The following ANO3 variants were observed in gnomAD, a reference collection of about 807,000 sequenced individuals.
ANO3 encodes anoctamin 3, also known as anoctamin-3.
In ANO3, 99 loss-of-function variants were observed where a neutral mutation model predicts 144.8. The observed-to-expected ratio is 0.68, with a 90% CI of 0.58 to 0.81. ANO3 has a LOEUF of 0.81. ANO3 is among the 30% of genes least tolerant of loss of function. The pLI is 0.00. For synonymous variants in ANO3, 414 were observed against 392.6 expected (o/e 1.05, Z -0.64); for missense variants, 905 against 1,202.2 (o/e 0.75, Z 3.66).
chr11:26,470,415 C>T (rs1298698569), intron 4 of ANO3, among the ~76,000 whole-genome samples: 1 of 106,412 alleles, frequency 9.4e-6, no homozygotes, highest in Non-Finnish European at 2.0e-5. Flanking sequence ...GAGACCCTCT[C>T]AAAAAAAAAA....
intron 14 of ANO3, among the ~76,000 whole-genome samples, chr11:26,585,176 A>G (rs1403593149): frequency 6.6e-6 from 1 of 152,208 alleles, no homozygotes; most frequent in Non-Finnish European, 1.5e-5. Context: ...GAACATAGGC[A>G]GCACACATTT....
At chr11:26,573,210 A>G (rs112395809) in intron 14 of ANO3, among the ~76,000 whole-genome samples, 1,710 of 152,308 alleles carry the variant, frequency 0.011, 22 homozygotes, top group Non-Finnish European at 0.017. Context: ...AATGGAATGC[A>G]AAGAATCTGC....
chr11:26,383,109 A>G (rs1052557704), intron 1 of ANO3, among the ~76,000 whole-genome samples: 14 of 152,156 alleles, frequency 9.2e-5, no homozygotes, highest in African/African-American at 2.7e-4. Flanking sequence ...GTAGTATCCT[A>G]TTAAATATGC....
At chr11:26,591,852 G>A (rs1851461634) in intron 14 of ANO3, among the ~76,000 whole-genome samples, 1 of 152,106 alleles carries the variant, frequency 6.6e-6, no homozygotes, top group Non-Finnish European at 1.5e-5. Flanking sequence ...TCCTTTGGCA[G>A]TATCCAGGGT....
chr11:26,474,464 T>C (rs1859889358), intron 4 of ANO3, among the ~76,000 whole-genome samples: 4 of 151,988 alleles, frequency 2.6e-5, no homozygotes, highest in African/African-American at 7.2e-5. Flanking sequence ...CTTTAAAATA[T>C]TTTCAATTTT....
At chr11:26,506,768 G>T (rs1270057924) in intron 4 of ANO3, among the ~76,000 whole-genome samples, 1 of 152,168 alleles carries the variant, frequency 6.6e-6, no homozygotes, top group African/African-American at 2.4e-5. Flanking sequence ...AACCTAACCT[G>T]TTGCTGTAGG....
In ANO3 at chr11:26,602,129, A is replaced by G. The variant is rs1851814704; in HGVS notation, c.1836+2415A>G. Reference sequence around the variant, plus strand: ...TTATTCTGATCAGCCAAGAAAGAGCAGAAAGGAGATTGTTGTTTGAAGAAA... The same window carrying G: ...TTATTCTGATCAGCCAAGAAAGAGCGGAAAGGAGATTGTTGTTTGAAGAAA... On this transcript the variant is annotated intron_variant, in intron 17 of 26. Transcript: ENST00000256737. 2.6e-5 allele frequency among the ~76,000 whole-genome samples: 4 copies of G among 152,232 alleles called. No individual in the cohort carries two copies. The South Asian group carries it at 6.2e-4, about 24-fold the overall frequency.
chr11:26,522,507 G>C (rs1350009135), intron 6 of ANO3, among the ~76,000 whole-genome samples: 1 of 152,076 alleles, frequency 6.6e-6, no homozygotes, highest in Admixed American at 6.5e-5. Context: ...CTGCAGCCTT[G>C]ACACAAGGTA....
intron 1 of ANO3, among the ~76,000 whole-genome samples, chr11:26,375,686 G>A (rs866543140): frequency 2.0e-5 from 3 of 152,110 alleles, no homozygotes; most frequent in Admixed American, 6.5e-5. Context: ...CTTAGCTTTT[G>A]AATGAAGAAA....
intron 4 of ANO3, among the ~76,000 whole-genome samples, chr11:26,477,468 G>T (rs1348005248): frequency 6.6e-6 from 1 of 152,058 alleles, no homozygotes; most frequent in African/African-American, 2.4e-5. Flanking sequence ...TCTGAATGAA[G>T]GCTTTTTCTC....
At chr11:26,657,491 T>C (rs757473023) in intron 26 of ANO3, among the ~76,000 whole-genome samples, 16 of 152,140 alleles carry the variant, frequency 1.1e-4, no homozygotes, top group Non-Finnish European at 1.9e-4. Context: ...GGAGCTCAAA[T>C]GAACAAAGTT....
At chr11:26,585,546 T>A (rs1456381546) in intron 14 of ANO3, among the ~76,000 whole-genome samples, 2 of 150,864 alleles carry the variant, frequency 1.3e-5, no homozygotes, top group African/African-American at 4.9e-5. Flanking sequence ...TTTCTGTGCT[T>A]TGAACCCCAT....
intron 4 of ANO3, among the ~76,000 whole-genome samples, chr11:26,466,468 G>A (rs1859606290): frequency 6.6e-6 from 1 of 151,962 alleles, no homozygotes; most frequent in Non-Finnish European, 1.5e-5. Context: ...GACTGTTGCA[G>A]GAGTAACATT....
intron 4 of ANO3, among the ~76,000 whole-genome samples, chr11:26,468,521 A>G (rs1419339949): frequency 6.6e-6 from 1 of 151,964 alleles, no homozygotes; most frequent in African/African-American, 2.4e-5. Flanking sequence ...TCTTTATCTC[A>G]ATGAGTATTA....
intron 1 of ANO3, among the ~76,000 whole-genome samples, chr11:26,231,120 A>C (rs1852388271): frequency 6.6e-6 from 1 of 151,828 alleles, no homozygotes; most frequent in East Asian, 2.0e-4. Flanking sequence ...TTCATGATCC[A>C]CCCGCCTTGG....
chr11:26,190,893 T>C (rs1007848351), intron 1 of ANO3, among the ~76,000 whole-genome samples: 1 of 152,204 alleles, frequency 6.6e-6, no homozygotes, highest in Non-Finnish European at 1.5e-5. Flanking sequence ...CTTCCATATT[T>C]TTCTATGACT....
chr11:26,619,597 C>G (rs578211180), intron 17 of ANO3, among the ~76,000 whole-genome samples: 1 of 152,158 alleles, frequency 6.6e-6, no homozygotes, highest in Non-Finnish European at 1.5e-5. Flanking sequence ...ACCTCAGCCT[C>G]CCAAGTAATT....
intron 1 of ANO3, among the ~76,000 whole-genome samples, chr11:26,289,581 C>CAGAA (rs1564950523): frequency 2.0e-4 from 19 of 95,912 alleles, no homozygotes; most frequent in South Asian, 3.2e-4. Context: ...CACATATATC[C>CAGAA]TATATGTGTG....
At chr11:26,314,353 G>A (rs1026465097) in intron 1 of ANO3, among the ~76,000 whole-genome samples, 9 of 152,148 alleles carry the variant, frequency 5.9e-5, no homozygotes, top group African/African-American at 1.9e-4. Flanking sequence ...ATAAATTTGT[G>A]AAAACATTAC....
Sources: gnomAD v4.1 joint callset for allele counts (sites outside exome capture counted in the v4.1 genomes callset) on GRCh38, gnomAD v4.1.1 for gene constraint, MANE v1.5 for transcripts, NCBI Gene and HGNC (gene_info 2026-07-23, HGNC 2026-07-21) for gene names.